Variants in QTGAL observed in about 807,000 individuals in gnomAD.
QTGAL encodes the protein BGnT-like protein 1.
chr17:82,972,632 G>A, the QTGAL span, among the ~76,000 whole-genome samples: 1 of 123,144 alleles, frequency 8.1e-6, no homozygotes, highest in African/African-American at 3.6e-5. Flanking sequence ...TGGGCCAGAA[G>A]GACCTGGTGC....
At chr17:82,994,393 G>C in the QTGAL span, among the ~76,000 whole-genome samples, 2 of 151,754 alleles carry the variant, frequency 1.3e-5, no homozygotes, top group African/African-American at 4.8e-5. Context: ...AAATCTAAGG[G>C]AAAAATTTAG....
At chr17:82,957,624 A>G in the QTGAL span, 1 of 1,288,204 alleles carries the variant, frequency 7.8e-7, no homozygotes, top group East Asian at 2.6e-5. Context: ...AATGCCTAAG[A>G]GAGACTGGCT....
At chr17:82,957,309 G>A in the QTGAL span, 1 of 1,614,040 alleles carries the variant, frequency 6.2e-7, no homozygotes, top group Non-Finnish European at 8.5e-7. Flanking sequence ...TGTGCTGTGG[G>A]ACAGTACGGG....
the QTGAL span, among the ~76,000 whole-genome samples, chr17:83,030,347 A>G: frequency 6.6e-6 from 1 of 152,236 alleles, no homozygotes; most frequent in Non-Finnish European, 1.5e-5. Flanking sequence ...GCGCGAATAA[A>G]GCAGAAGCAA....
At chr17:83,047,167 T>C in the QTGAL span, among the ~76,000 whole-genome samples, 3 of 152,212 alleles carry the variant, frequency 2.0e-5, no homozygotes, top group Non-Finnish European at 2.9e-5. Flanking sequence ...AGATTCAGTG[T>C]CTAGTGAGGG....
the QTGAL span, chr17:82,943,250 GCTACCTTTGTCTCTGTGT>G: frequency 6.6e-6 from 1 of 152,276 alleles, no homozygotes; most frequent in African/African-American, 2.4e-5. Context: ...AGGGCAGGAG[GCTACCTTTGTCTCTGTGT>G]CTGAGCTCGT....
At chr17:82,945,452 G>C in the QTGAL span, 2 of 152,180 alleles carry the variant, frequency 1.3e-5, no homozygotes, top group African/African-American at 4.8e-5. Flanking sequence ...TGATATAAAC[G>C]ACTACCAATT....
the QTGAL span, among the ~76,000 whole-genome samples, chr17:83,001,065 CTG>C: frequency 1.3e-5 from 2 of 152,212 alleles, no homozygotes; most frequent in African/African-American, 4.8e-5. Flanking sequence ...ACCGATCAAA[CTG>C]TACATTTGAA....
the QTGAL span, among the ~76,000 whole-genome samples, chr17:83,018,161 G>A: frequency 1.4e-4 from 17 of 124,938 alleles, no homozygotes; most frequent in African/African-American, 2.0e-4. Context: ...CATGCTCCGC[G>A]AACATGGTGT....
chr17:82,998,366 G>T, the QTGAL span, among the ~76,000 whole-genome samples: 1 of 151,768 alleles, frequency 6.6e-6, no homozygotes, highest in Admixed American at 6.6e-5. Flanking sequence ...TTTGTTTTGA[G>T]ACGGAGTTTC....
chr17:83,049,055 C>T, the QTGAL span: 2 of 395,056 alleles, frequency 5.1e-6, no homozygotes, highest in Non-Finnish European at 9.3e-6. Context: ...AGATTGAGAC[C>T]ATCCTGGCTA....
At chr17:82,950,917 G>A in the QTGAL span, among the ~76,000 whole-genome samples, 1 of 152,212 alleles carries the variant, frequency 6.6e-6, no homozygotes, top group East Asian at 1.9e-4. Context: ...AGAGCCACAG[G>A]CAGAGCAGAT....
At chr17:82,995,441 G>A in the QTGAL span, among the ~76,000 whole-genome samples, 2 of 149,946 alleles carry the variant, frequency 1.3e-5, no homozygotes, top group Non-Finnish European at 3.0e-5. Flanking sequence ...GGAGTGCAGT[G>A]GCATGATCTT....
At chr17:82,949,623 C>A in the QTGAL span, 2 of 152,116 alleles carry the variant, frequency 1.3e-5, no homozygotes, top group African/African-American at 4.8e-5. Context: ...GATACACAAG[C>A]CCATTCTTCA....
At chr17:82,955,697 G>A in the QTGAL span, among the ~76,000 whole-genome samples, 8 of 152,180 alleles carry the variant, frequency 5.3e-5, no homozygotes, top group East Asian at 3.9e-4. Context: ...ATACATGCAC[G>A]CATATGTTTA....
the QTGAL span, among the ~76,000 whole-genome samples, chr17:83,051,331 G>C: frequency 2.6e-5 from 4 of 151,174 alleles, 1 homozygote; most frequent in African/African-American, 9.7e-5. Context: ...CGGGCGCGGG[G>C]AAGGAGCGCG....
chr17:82,961,340 G>A, the QTGAL span: 25 of 1,046,452 alleles, frequency 2.4e-5, no homozygotes, highest in African/African-American at 1.1e-4. Context: ...GACGTGGGGC[G>A]GCGACCACAA....
the QTGAL span, among the ~76,000 whole-genome samples, chr17:82,989,262 G>A: frequency 6.6e-6 from 1 of 151,910 alleles, no homozygotes; most frequent in East Asian, 1.9e-4. Context: ...CCCAAACACT[G>A]CATGTTCTCA....
the QTGAL span, among the ~76,000 whole-genome samples, chr17:82,950,294 T>A: frequency 6.6e-6 from 1 of 152,184 alleles, no homozygotes; most frequent in Non-Finnish European, 1.5e-5. Context: ...GGGGTTCATA[T>A]GAGTGCCCCA....
Sources: allele counts gnomAD v4.1 joint callset (sites outside exome capture counted in the v4.1 genomes callset), GRCh38; gene constraint gnomAD v4.1.1; transcripts MANE v1.5; gene names NCBI Gene and HGNC (gene_info 2026-07-23, HGNC 2026-07-21).